The following FAM83D variants were observed in gnomAD, a reference collection of about 807,000 sequenced individuals.
FAM83D encodes scaffolding CK1 anchoring protein D.
FAM83D carries 26 observed loss-of-function variants against 25.4 expected under a neutral mutation model. The ratio of observed to expected loss-of-function variants is 1.02; its 90% CI spans 0.75 to 1.42. FAM83D has a LOEUF of 1.42. Ranked by LOEUF, FAM83D falls within the 40% of genes most tolerant of loss-of-function variation. The probability of loss-of-function intolerance (pLI) is 0.00; values close to 1 mark genes in which losing one functional copy is unlikely to be tolerated. For missense variants in FAM83D, 740 were observed against 758.1 expected, an observed-to-expected ratio of 0.98 and a Z score of 0.28; for synonymous variants, 310 against 318.5, an observed-to-expected ratio of 0.97 and a Z score of 0.28.
At chr20:38,945,797 G>A (rs1277002998) in intron 2 of FAM83D, among the ~76,000 whole-genome samples, 1 of 123,998 alleles carries the variant, frequency 8.1e-6, no homozygotes, top group African/African-American at 3.2e-5. Flanking sequence ...TCGCTATGTT[G>A]CCTAGGCTGG....
At chr20:38,946,115 C>G (rs950287821) in intron 2 of FAM83D, among the ~76,000 whole-genome samples, 21 of 140,886 alleles carry the variant, frequency 1.5e-4, no homozygotes, top group Non-Finnish European at 2.7e-4. Flanking sequence ...GAGGCTGAGG[C>G]AGGAGAATTG....
chr20:38,933,999 T>A (rs1452760834), intron 1 of FAM83D, among the ~76,000 whole-genome samples: 3 of 151,912 alleles, frequency 2.0e-5, no homozygotes, highest in African/African-American at 7.3e-5. Context: ...GGACTACAGG[T>A]GCCCGCTACC....
chr20:38,928,339 T>C (rs1044414358), intron 1 of FAM83D, among the ~76,000 whole-genome samples: 1 of 152,172 alleles, frequency 6.6e-6, no homozygotes, highest in Admixed American at 6.6e-5. Flanking sequence ...CTGGTGGGGT[T>C]TCAGTGGTAG....
chr20:38,949,779 T>C (rs1231079674), intron 3 of FAM83D, among the ~76,000 whole-genome samples: 1 of 152,178 alleles, frequency 6.6e-6, no homozygotes, highest in Non-Finnish European at 1.5e-5. Context: ...CGAGTTGACT[T>C]TTGTTCTTAG....
chr20:38,941,869 C>G (rs1168455505), intron 1 of FAM83D, 90 bp from the exon 2 acceptor site: 1 of 1,286,928 alleles, frequency 7.8e-7, no homozygotes. Context: ...GATCATTTCC[C>G]AGTTCTGAGT....
chr20:38,944,225 C>T (rs1329615078), intron 2 of FAM83D, among the ~76,000 whole-genome samples: 1 of 152,242 alleles, frequency 6.6e-6, no homozygotes, highest in East Asian at 1.9e-4. Flanking sequence ...CTTATTATTA[C>T]CAAGCAATTT....
At chr20:38,947,445 T>C (rs1362524175) in intron 2 of FAM83D, among the ~76,000 whole-genome samples, 1 of 152,158 alleles carries the variant, frequency 6.6e-6, no homozygotes, top group Admixed American at 6.5e-5. Flanking sequence ...AACAAACAAG[T>C]TGGAGGAAGA....
intron 2 of FAM83D, among the ~76,000 whole-genome samples, chr20:38,944,632 AGGGG>A (rs930683291): frequency 1.3e-5 from 2 of 152,044 alleles, no homozygotes; most frequent in Admixed American, 6.6e-5. Context: ...GATCCTCTGC[AGGGG>A]GGTTTAAGAA....
chr20:38,944,000 G>A (rs67743908), intron 2 of FAM83D, among the ~76,000 whole-genome samples: 26,815 of 152,180 alleles, frequency 0.18, 2,556 homozygotes, highest in East Asian at 0.34. Context: ...CCCAGAATTT[G>A]TTTTTTAAAA....
In FAM83D at chr20:38,952,920, A is replaced by G. The variant is rs1006684646; in HGVS notation, c.*400A>G. 2.3e-4 allele frequency: 41 copies of G among 181,804 alleles called. No individual in the cohort carries two copies. Among genetic ancestry groups the G allele is most frequent in the African/African-American group, 8.8e-4 (37 of 42,144 alleles). The allele number at this position is 181,804 out of a possible 1,614,324, so 11.3% of individuals were successfully genotyped here. A position where few individuals can be genotyped will look rare whatever the true frequency, so the allele number is the denominator to read the frequency against. On this transcript the variant is annotated 3_prime_UTR_variant, in exon 4 of 4. Transcript: ENST00000619850. ...TGCCTACAGTATTCAGTGCAGTAAC[A>G]TGATGTACAGGTTTGTAGCCTGTTT...
intron 3 of FAM83D, 74 bp downstream of exon 3, chr20:38,948,074 CT>C: frequency 1.3e-6 from 2 of 1,553,378 alleles, no homozygotes. Flanking sequence ...AGGTAAAAGC[CT>C]TTTCCTCTCA....
intron 2 of FAM83D, among the ~76,000 whole-genome samples, chr20:38,947,649 G>C (rs751790817): frequency 1.3e-5 from 2 of 152,128 alleles, no homozygotes; most frequent in African/African-American, 2.4e-5. Context: ...TATAAGAAAA[G>C]AACAGATGAG....
chr20:38,939,881 C>T (rs987839718), intron 1 of FAM83D, among the ~76,000 whole-genome samples: 2 of 152,170 alleles, frequency 1.3e-5, no homozygotes. Flanking sequence ...ACTTAATCCT[C>T]ACAGCAGCCC....
In FAM83D at chr20:38,936,535, C is replaced by T. The variant is rs546326474; in HGVS notation, c.484-5424C>T. ...TTGAGCCCATGCACTTCATGGGCTA[C>T]GCCACTGATCCTTTAGTGTTTGTTC... On this transcript the variant is annotated intron_variant, in intron 1 of 3. Transcript: ENST00000619850. Among the ~76,000 whole-genome samples, 6 of 152,246 alleles carry T rather than the reference C, an allele frequency of 3.9e-5. No homozygotes were observed. In the East Asian group the frequency reaches 5.8e-4, roughly 15 times the overall value.
intron 1 of FAM83D, among the ~76,000 whole-genome samples, chr20:38,927,719 G>C (rs975867675): frequency 1.3e-5 from 2 of 151,782 alleles, no homozygotes; most frequent in Non-Finnish European, 2.9e-5. Context: ...AGCTGGTCTC[G>C]AACTCCTGAC....
intron 1 of FAM83D, among the ~76,000 whole-genome samples, chr20:38,936,191 A>C (rs1568696414): frequency 6.6e-6 from 1 of 152,184 alleles, no homozygotes; most frequent in Non-Finnish European, 1.5e-5. Context: ...GGTGATCGGT[A>C]CGAACTTCCT....
In FAM83D at chr20:38,942,311, C is replaced by G. The variant is rs551794912; in HGVS notation, c.651+185C>G. Reference sequence around the variant, plus strand: ...GTGACCTGGCAATTCTCCTAGGTGTCTACCCAAGAGAAATGAAAATATGGG... The same window carrying G: ...GTGACCTGGCAATTCTCCTAGGTGTGTACCCAAGAGAAATGAAAATATGGG... On this transcript the variant is annotated intron_variant, in intron 2 of 3. Coordinates refer to ENST00000619850, the MANE Select transcript of FAM83D (RefSeq NM_030919.3). 3.3e-5 allele frequency among the ~76,000 whole-genome samples: 5 copies of G among 152,132 alleles called. No individual in the cohort carries two copies. In the South Asian group the frequency reaches 6.2e-4, roughly 19 times the overall value.
intron 1 of FAM83D, among the ~76,000 whole-genome samples, chr20:38,930,846 C>A (rs1056630360): frequency 6.6e-6 from 1 of 152,202 alleles, no homozygotes; most frequent in Non-Finnish European, 1.5e-5. Flanking sequence ...CCATGTTGGC[C>A]AGGCTGGTCT....
At position 38,952,676 on chromosome 20, in the gene FAM83D, C is replaced by G. The variant is rs762268544; in HGVS notation, c.*156C>G. 7.4e-5 allele frequency: 64 copies of G among 859,414 alleles called. No individual in the cohort carries two copies. The highest frequency in any genetic ancestry group is 1.1e-4 in the Non-Finnish European group (62 of 560,118). The allele number at this position is 859,414 out of a possible 1,614,324, so 53.2% of individuals were successfully genotyped here. On this transcript the variant is annotated 3_prime_UTR_variant, in exon 4 of 4. Transcript: ENST00000619850. Reference sequence around the variant, plus strand: ...ATTCTTTAGGCTGCATATTATTTTACATGCTTTGTTTTGTCATGTATATAC... The same window carrying G: ...ATTCTTTAGGCTGCATATTATTTTAGATGCTTTGTTTTGTCATGTATATAC...
Sources: allele counts gnomAD v4.1 joint callset (sites outside exome capture counted in the v4.1 genomes callset), GRCh38; gene constraint gnomAD v4.1.1; transcripts MANE v1.5; gene names NCBI Gene and HGNC (gene_info 2026-07-23, HGNC 2026-07-21).